CACNA2D3: variants seen among roughly 807,000 people sequenced by gnomAD.
CACNA2D3 encodes the protein voltage-dependent calcium channel subunit alpha-2/delta-3.
A neutral mutation model predicts 160.6 loss-of-function variants in CACNA2D3; 60 were observed. That is an observed-to-expected ratio of 0.37 (90% CI 0.30 to 0.46). CACNA2D3 has a LOEUF of 0.46. CACNA2D3 is among the 20% of genes least tolerant of loss of function. The pLI is 1.00. For synonymous variants in CACNA2D3, 558 were observed against 492.9 expected, an observed-to-expected ratio of 1.13 and a Z score of -1.75; for missense variants, 1,205 against 1,365.0, an observed-to-expected ratio of 0.88 and a Z score of 1.85.
At chr3:54,400,833 C>G (rs956781748) in intron 4 of CACNA2D3, among the ~76,000 whole-genome samples, 18 of 152,062 alleles carry the variant, frequency 1.2e-4, no homozygotes, top group Admixed American at 6.6e-4. Flanking sequence ...GAACAAGAAA[C>G]ATGAAAAAGC....
chr3:54,373,253 G>A (rs1483019785), intron 3 of CACNA2D3, among the ~76,000 whole-genome samples: 1 of 152,120 alleles, frequency 6.6e-6, no homozygotes, highest in African/African-American at 2.4e-5. Flanking sequence ...TTCATTATTT[G>A]TTCTTGATTT....
At chr3:54,337,869 C>T (rs1704422926) in intron 3 of CACNA2D3, among the ~76,000 whole-genome samples, 1 of 152,168 alleles carries the variant, frequency 6.6e-6, no homozygotes, top group South Asian at 2.1e-4. Context: ...GGCTAAGTCA[C>T]CTGGAATGCT....
intron 4 of CACNA2D3, among the ~76,000 whole-genome samples, chr3:54,428,397 A>T (rs1336092754): frequency 6.6e-6 from 1 of 152,218 alleles, no homozygotes; most frequent in African/African-American, 2.4e-5. Flanking sequence ...TTAAGATAGG[A>T]TGAGGCACTG....
At chr3:54,841,298 A>G (rs900961480) in intron 16 of CACNA2D3, among the ~76,000 whole-genome samples, 1 of 152,232 alleles carries the variant, frequency 6.6e-6, no homozygotes, top group Non-Finnish European at 1.5e-5. Context: ...TGCTAGTAAC[A>G]GATGAAGGAA....
chr3:54,968,756 G>A (rs1559450356), intron 28 of CACNA2D3, among the ~76,000 whole-genome samples: 1 of 152,190 alleles, frequency 6.6e-6, no homozygotes, highest in East Asian at 1.9e-4. Context: ...TCAAGATAGT[G>A]ACCTTCCAAA....
Position 54,984,591 on chromosome 3 carries a change from T to A in CACNA2D3, c.2557-17T>A, listed in dbSNP as rs1347231631. On this transcript the variant is annotated splice_polypyrimidine_tract_variant and intron_variant, in intron 29 of 37. Transcript: ENST00000474759. ...TGAAGCTGTTTTTTTGTTTTTGTTT[T>A]TTTTTTAATTTTCTAGACTGTGAAT... 1.4e-6 allele frequency: 2 copies of A among 1,481,138 alleles called. No homozygotes were observed. Among genetic ancestry groups the A allele is most frequent in the Admixed American group, 2.1e-5 (1 of 47,180 alleles). The allele number at this position is 1,481,138 out of a possible 1,614,324, so 91.7% of individuals were successfully genotyped here. A position where few individuals can be genotyped will look rare whatever the true frequency, so the allele number is the denominator to read the frequency against.
intron 11 of CACNA2D3, among the ~76,000 whole-genome samples, chr3:54,653,790 C>G (rs1446351766): frequency 6.6e-6 from 1 of 152,196 alleles, no homozygotes; most frequent in African/African-American, 2.4e-5. Context: ...GGTTTCTCTT[C>G]CTGGGTGTGG....
At chr3:54,247,681 C>G (rs1190049248) in intron 2 of CACNA2D3, among the ~76,000 whole-genome samples, 1 of 152,136 alleles carries the variant, frequency 6.6e-6, no homozygotes. Context: ...CATATGACTA[C>G]TAGGCACCCC....
intron 27 of CACNA2D3, among the ~76,000 whole-genome samples, chr3:54,938,678 A>C (rs1170365121): frequency 2.0e-5 from 3 of 149,034 alleles, no homozygotes; most frequent in Non-Finnish European, 3.0e-5. Context: ...TTGTCCTGTG[A>C]CCATGGTAAT....
In CACNA2D3 at chr3:54,484,284, A is replaced by G. The variant is rs895277116; in HGVS notation, c.382-19208A>G. Among the ~76,000 whole-genome samples the G allele has an allele frequency of 5.9e-5, 9 of 152,156 alleles. No individual in the cohort carries two copies. The East Asian group carries it at 1.2e-3, about 20-fold the overall frequency. ...TTCTTTCTGTTCCATTCTCCTTCCT[A>G]TTCTCCATGACCCCCTCCCCGCGGA... On this transcript the variant is annotated intron_variant, in intron 4 of 37. Transcript: ENST00000474759.
intron 13 of CACNA2D3, among the ~76,000 whole-genome samples, chr3:54,809,311 CTTT>C (rs1217898723): frequency 5.0e-5 from 4 of 80,726 alleles, no homozygotes; most frequent in East Asian, 4.5e-4. Context: ...TTCCTTCTTT[CTTT>C]TTTTTTTTTT....
chr3:54,276,089 A>G lies in CACNA2D3; in HGVS notation c.205-44353A>G, dbSNP rs559536848. 9.9e-5 allele frequency among the ~76,000 whole-genome samples: 15 copies of G among 152,274 alleles called. No homozygotes were observed. The South Asian group carries it at 3.1e-3, about 32-fold the overall frequency. On this transcript the variant is annotated intron_variant, in intron 2 of 37. Coordinates refer to ENST00000474759, the MANE Select transcript of CACNA2D3 (RefSeq NM_018398.3). Reference sequence around the variant, plus strand: ...CTTTCTCTGACATCCTGAAGCCCCGATTGAATGCCCCTCCCTGCAGGGATG... The same window carrying G: ...CTTTCTCTGACATCCTGAAGCCCCGGTTGAATGCCCCTCCCTGCAGGGATG...
intron 3 of CACNA2D3, among the ~76,000 whole-genome samples, chr3:54,344,880 C>G (rs1698428044): frequency 6.6e-6 from 1 of 152,174 alleles, no homozygotes; most frequent in Admixed American, 6.5e-5. Context: ...TCATAAAGAC[C>G]TTACTGATAA....
At chr3:55,018,371 C>T (rs535668544) in intron 35 of CACNA2D3, 54 bp downstream of exon 35, 1 of 1,106,020 alleles carries the variant, frequency 9.0e-7, no homozygotes, top group Admixed American at 1.9e-5. Context: ...CAGCACAGAA[C>T]TTTCCCAGAT....
At chr3:54,485,003 C>T (rs899462161) in intron 4 of CACNA2D3, among the ~76,000 whole-genome samples, 2 of 152,054 alleles carry the variant, frequency 1.3e-5, no homozygotes, top group African/African-American at 2.4e-5. Flanking sequence ...CCTGCCACTA[C>T]GCCTAGCTAA....
rs558630584 is a variant in CACNA2D3 at position 54,488,637 on chromosome 3, A to G, written c.382-14855A>G. Among the ~76,000 whole-genome samples, 8 of 152,168 alleles carry G rather than the reference A, an allele frequency of 5.3e-5. No homozygotes were observed. In the South Asian group the frequency reaches 1.7e-3, roughly 32 times the overall value. ...CTCAGGCCACGGTAGGACATTGCTG[A>G]GGTGGGACACTCCCTTCTCTCTTTC... On this transcript the variant is annotated intron_variant, in intron 4 of 37. Coordinates refer to ENST00000474759, the MANE Select transcript of CACNA2D3 (RefSeq NM_018398.3).
intron 11 of CACNA2D3, among the ~76,000 whole-genome samples, chr3:54,677,999 A>G (rs954944001): frequency 1.3e-5 from 2 of 152,146 alleles, no homozygotes; most frequent in Non-Finnish European, 1.5e-5. Context: ...CAGAACAAAA[A>G]TGTCGATTAT....
intron 4 of CACNA2D3, among the ~76,000 whole-genome samples, chr3:54,391,822 C>T (rs1699287747): frequency 6.6e-6 from 1 of 152,072 alleles, no homozygotes; most frequent in Non-Finnish European, 1.5e-5. Context: ...GGCAGGGTAA[C>T]TTTCTTGTGG....
At chr3:55,024,973 T>A (rs1166659515) in intron 35 of CACNA2D3, among the ~76,000 whole-genome samples, 1 of 152,186 alleles carries the variant, frequency 6.6e-6, no homozygotes, top group Non-Finnish European at 1.5e-5. Flanking sequence ...TGAGATCCTT[T>A]TTGACCAAAT....
Sources: gnomAD v4.1 joint callset for allele counts (sites outside exome capture counted in the v4.1 genomes callset) on GRCh38, gnomAD v4.1.1 for gene constraint, MANE v1.5 for transcripts, NCBI Gene and HGNC (gene_info 2026-07-23, HGNC 2026-07-21) for gene names.